The following PUDP variants were observed in gnomAD, a reference collection of about 807,000 sequenced individuals.
PUDP encodes pseudouridine-5'-phosphatase.
Under a neutral mutation model 9.4 loss-of-function variants are expected in PUDP, and 8 were observed. That is an observed-to-expected ratio of 0.85 (90% confidence interval 0.50 to 1.53). The LOEUF (loss-of-function observed/expected upper bound fraction) is 1.53, where lower values mean the gene tolerates loss of function less well. Ranked by LOEUF, PUDP falls within the 40% of genes most tolerant of loss-of-function variation. The pLI is 0.00. For synonymous variants in PUDP, 99 were observed against 80.7 expected (o/e 1.23, Z -1.22); for missense variants, 188 against 189.7 (o/e 0.99, Z 0.05).
intron 3 of PUDP, among the ~76,000 whole-genome samples, chrX:6,947,808 AAAT>A (rs1928492013): frequency 9.3e-6 from 1 of 107,524 alleles, no homozygotes; most frequent in African/African-American, 3.4e-5. Context: ...ATAAATAAAT[AAAT>A]AAATAAAAAT....
chrX:7,085,886 C>T (rs961117331), intron 2 of PUDP, among the ~76,000 whole-genome samples: 3 of 111,611 alleles, frequency 2.7e-5, no homozygotes, highest in Non-Finnish European at 5.6e-5. Flanking sequence ...CACACCGCTA[C>T]ATGACTCTAG....
At chrX:6,786,604 T>G (rs1925651825) in intron 3 of PUDP, among the ~76,000 whole-genome samples, 1 of 111,647 alleles carries the variant, frequency 9.0e-6, no homozygotes, top group Admixed American at 9.5e-5. Flanking sequence ...CTACCTTGAG[T>G]CTTTGTATTT....
chrX:7,124,172 G>T (rs1932418685), intron 1 of PUDP, among the ~76,000 whole-genome samples: 1 of 112,146 alleles, frequency 8.9e-6, no homozygotes, highest in Non-Finnish European at 1.9e-5. Flanking sequence ...AGTTTACAAA[G>T]AAGTGAAATC....
chrX:7,027,142 C>A (rs751008776), intron 1 of PUDP, among the ~76,000 whole-genome samples: 1 of 111,509 alleles, frequency 9.0e-6, no homozygotes, highest in South Asian at 3.8e-4. Flanking sequence ...GTTTAGCTTG[C>A]ACAGCGTCTC....
intron 3 of PUDP, among the ~76,000 whole-genome samples, chrX:6,932,786 G>A (rs1391687180): frequency 5.4e-5 from 6 of 111,086 alleles, no homozygotes; most frequent in African/African-American, 1.6e-4. Flanking sequence ...CTTTTCAGAC[G>A]GGCTTAAAAA....
chrX:7,017,442 T>A (rs774245336), intron 1 of PUDP, among the ~76,000 whole-genome samples: 1 of 112,370 alleles, frequency 8.9e-6, no homozygotes. Flanking sequence ...CAATGGGGAA[T>A]GGGACTGAGC....
At chrX:6,841,145 C>T (rs1274713112) in intron 3 of PUDP, among the ~76,000 whole-genome samples, 3 of 109,087 alleles carry the variant, frequency 2.8e-5, no homozygotes, top group Admixed American at 9.9e-5. Context: ...GACATGGCGG[C>T]GCACTCCTGT....
intron 2 of PUDP, among the ~76,000 whole-genome samples, chrX:7,083,525 C>T (rs1931169489): frequency 9.0e-6 from 1 of 111,490 alleles, no homozygotes; most frequent in African/African-American, 3.3e-5. Context: ...AGCTACGACA[C>T]CAAGCTGTCT....
At chrX:6,708,834 C>A (rs1158894915) in intron 1 of PUDP, among the ~76,000 whole-genome samples, 1 of 111,397 alleles carries the variant, frequency 9.0e-6, no homozygotes, top group East Asian at 2.8e-4. Flanking sequence ...AAAGGTATGA[C>A]CAGCCTAATG....
intron 1 of PUDP, among the ~76,000 whole-genome samples, chrX:6,978,546 C>T (rs1928987758): frequency 8.9e-6 from 1 of 111,882 alleles, no homozygotes; most frequent in Non-Finnish European, 1.9e-5. Flanking sequence ...ATAGTTGACT[C>T]TATTAGGTCA....
At chrX:7,028,695 G>A (rs1262476456) in intron 1 of PUDP, among the ~76,000 whole-genome samples, 1 of 111,851 alleles carries the variant, frequency 8.9e-6, no homozygotes, top group Non-Finnish European at 1.9e-5. Context: ...GGGTAAAAAG[G>A]GCTGCTTGAA....
rs1224350168 is a variant in PUDP, at chrX:7,137,241, C to CA, written c.61+10811dup. 5.0e-3 allele frequency among the ~76,000 whole-genome samples: 433 copies of CA among 86,292 alleles called. 3 individuals carry two copies. Among genetic ancestry groups the CA allele is most frequent in the Middle Eastern group, 0.031 (4 of 127 alleles). 74.9% of individuals were successfully genotyped at this position (86,292 alleles called of 115,157 possible). On this transcript the variant is annotated intron_variant, in intron 1 of 3. Coordinates refer to ENST00000381077, the MANE Select transcript of PUDP (RefSeq NM_012080.5). ...GGGTGACAAGAGCGAGACTCCATCT[C>CA]AAAAAAAAAAAATAAAACTAAGGCC... is the stretch of plus-strand genomic sequence containing the variant.
At position 7,116,911 on chromosome X, in the gene PUDP, C is replaced by G. The variant is rs1472716423; in HGVS notation, c.62-11073G>C. 5 of 1,157,696 alleles carry G rather than the reference C, an allele frequency of 4.3e-6. No homozygotes were observed. In the African/African-American group the frequency reaches 7.3e-5, roughly 17 times the overall value. ...GTTTAAAAGTGCATGGTACCTCCCC[C>G]CAACTCTCTCTCTGGCTCATGCTTT... On this transcript the variant is annotated intron_variant, in intron 1 of 3. Coordinates refer to ENST00000381077, the MANE Select transcript of PUDP (RefSeq NM_012080.5).
chrX:6,854,696 GA>G (rs755944773), intron 3 of PUDP, among the ~76,000 whole-genome samples: 71 of 111,238 alleles, frequency 6.4e-4, no homozygotes, highest in Non-Finnish European at 1.1e-3. Context: ...AACGTTATAA[GA>G]AAGAGAAACT....
intron 1 of PUDP, among the ~76,000 whole-genome samples, chrX:6,717,588 C>T (rs915937825): frequency 1.8e-4 from 20 of 112,139 alleles, no homozygotes; most frequent in African/African-American, 6.1e-4. Flanking sequence ...ATAATCCTCT[C>T]CCCTTCAGCA....
chrX:7,079,558 T>A (rs1931019459), intron 2 of PUDP, among the ~76,000 whole-genome samples: 1 of 112,723 alleles, frequency 8.9e-6, no homozygotes, highest in South Asian at 3.6e-4. Flanking sequence ...AGAAATATCC[T>A]ATTATAAGGA....
chrX:6,843,626 G>A (rs930946275), intron 3 of PUDP, among the ~76,000 whole-genome samples: 3 of 111,632 alleles, frequency 2.7e-5, no homozygotes, highest in African/African-American at 6.5e-5. Flanking sequence ...GTCGATGAGC[G>A]ATGGAAGGTG....
At chrX:7,029,689 A>G in intron 1 of PUDP, among the ~76,000 whole-genome samples, 1 of 112,032 alleles carries the variant, frequency 8.9e-6, no homozygotes, top group Non-Finnish European at 1.9e-5. Flanking sequence ...GAAGCATTTC[A>G]CAGGCCACCT....
intron 1 of PUDP, among the ~76,000 whole-genome samples, chrX:7,112,438 A>G (rs1192102004): frequency 1.8e-5 from 2 of 112,349 alleles, no homozygotes; most frequent in Non-Finnish European, 3.8e-5. Context: ...ATCTTGCACA[A>G]CTGAATCTAC....
Sources: allele counts gnomAD v4.1 joint callset (sites outside exome capture counted in the v4.1 genomes callset), GRCh38; gene constraint gnomAD v4.1.1; transcripts MANE v1.5; gene names NCBI Gene and HGNC (gene_info 2026-07-23, HGNC 2026-07-21).